EXTL3: variants seen among roughly 807,000 people sequenced by gnomAD.
The protein encoded by EXTL3 is exostosin like glycosyltransferase 3, also known as exostosin-like 3.
In EXTL3, 27 loss-of-function variants were observed where a neutral mutation model predicts 69.3. The observed-to-expected ratio is 0.39, with a 90% confidence interval of 0.29 to 0.54. The LOEUF (loss-of-function observed/expected upper bound fraction) is 0.54. Among genes scored for constraint, EXTL3 ranks in the 20% least tolerant of loss-of-function variants. The probability of loss-of-function intolerance (pLI) is 0.69; values close to 1 mark genes in which losing one functional copy is unlikely to be tolerated. For synonymous variants in EXTL3, 511 were observed against 499.4 expected, an observed-to-expected ratio of 1.02 and a Z score of -0.31; for missense variants, 1,003 against 1,231.8, an observed-to-expected ratio of 0.81 and a Z score of 2.78.
intron 1 of EXTL3, 137 bp from the exon 2 acceptor site, chr8:28,713,320 G>A (rs1801069816): frequency 1.8e-6 from 1 of 557,780 alleles, no homozygotes; most frequent in African/African-American, 1.9e-5. Context: ...AAATTATTTG[G>A]TGACCTCATG....
At chr8:28,741,424 T>A (rs557283042) in intron 5 of EXTL3, 43 of 152,318 alleles carry the variant, frequency 2.8e-4, no homozygotes, top group African/African-American at 1.0e-3. Context: ...TTACCTTTTT[T>A]AAAAAGTGTA....
intron 1 of EXTL3, among the ~76,000 whole-genome samples, chr8:28,692,121 GAT>G (rs1490209922): frequency 9.2e-5 from 14 of 152,190 alleles, no homozygotes; most frequent in African/African-American, 3.4e-4. Flanking sequence ...TCACTTTAAA[GAT>G]ATGCTTTTCT....
At chr8:28,756,022 A>G (rs1802116608), downstream of EXTL3, among the ~76,000 whole-genome samples, 1 of 152,184 alleles carries the variant, frequency 6.6e-6, no homozygotes, top group African/African-American at 2.4e-5. Context: ...GGCAACATCA[A>G]TGCATTTCCT....
At chr8:28,742,921 A>G in intron 5 of EXTL3, 165 bp from the exon 6 acceptor site, 1 of 739,526 alleles carries the variant, frequency 1.4e-6, no homozygotes, top group Admixed American at 1.8e-5. Context: ...CAGAAGATCC[A>G]CACGACAGGA....
intron 4 of EXTL3, 49 bp from the exon 5 acceptor site, chr8:28,737,470 A>C: frequency 6.2e-7 from 1 of 1,609,640 alleles, no homozygotes; most frequent in Non-Finnish European, 8.5e-7. Flanking sequence ...ACTTCTGATG[A>C]CCCTAGAGCT....
rs192265755 is a variant in EXTL3 at position 28,657,246 on chromosome 8, T to C, written c.-53+34436T>C. On this transcript the variant is annotated intron_variant, in intron 1 of 6. Transcript: ENST00000523149. ...ACATGAGCCACTGTGCCCAGTCTCA[T>C]TATGGACTTTAGCAAGTATAAGGAA... Among the ~76,000 whole-genome samples, 85 of 152,306 alleles carry C rather than the reference T, an allele frequency of 5.6e-4. 1 individual carries two copies. Among genetic ancestry groups the C allele is most frequent in the African/African-American group, 2.0e-3 (84 of 41,564 alleles).
intron 3 of EXTL3, among the ~76,000 whole-genome samples, chr8:28,719,264 T>G (rs1231335189): frequency 1.3e-5 from 2 of 152,250 alleles, no homozygotes; most frequent in Non-Finnish European, 2.9e-5. Flanking sequence ...TCTTTGATAA[T>G]TAGCTTTTTT....
chr8:28,624,492 G>A (rs947285062), intron 1 of EXTL3, among the ~76,000 whole-genome samples: 1 of 152,172 alleles, frequency 6.6e-6, no homozygotes, highest in Non-Finnish European at 1.5e-5. Flanking sequence ...GATCCTGGGA[G>A]GCAGAGGTTG....
chr8:28,671,893 C>T (rs1029771359), intron 1 of EXTL3, among the ~76,000 whole-genome samples: 12 of 152,122 alleles, frequency 7.9e-5, no homozygotes, highest in African/African-American at 1.2e-4. Context: ...TGTTAGAACT[C>T]ATTTGGGAGG....
At chr8:28,702,116 C>T (rs1319346557) in intron 1 of EXTL3, among the ~76,000 whole-genome samples, 2 of 152,224 alleles carry the variant, frequency 1.3e-5, no homozygotes, top group Admixed American at 6.5e-5. Flanking sequence ...GGAGGCGCAG[C>T]TCCGGACTAC....
chr8:28,661,476 A>G (rs574420224), intron 1 of EXTL3, among the ~76,000 whole-genome samples: 44 of 152,208 alleles, frequency 2.9e-4, no homozygotes, highest in South Asian at 2.7e-3. Flanking sequence ...CTAAATACAC[A>G]TACCTAAATA....
chr8:28,705,622 A>C (rs1005575653), intron 1 of EXTL3, among the ~76,000 whole-genome samples: 3 of 152,186 alleles, frequency 2.0e-5, no homozygotes, highest in East Asian at 3.9e-4. Flanking sequence ...CACTTTCTCT[A>C]TCTCATTCAG....
chr8:28,729,723 G>A (rs1428919808), intron 3 of EXTL3, among the ~76,000 whole-genome samples: 1 of 151,774 alleles, frequency 6.6e-6, no homozygotes, highest in Non-Finnish European at 1.5e-5. Context: ...AGTTAGGACC[G>A]GGCGTGGTGG....
upstream of EXTL3, chr8:28,698,289 G>A (rs951769194): frequency 2.0e-5 from 3 of 152,260 alleles, no homozygotes; most frequent in African/African-American, 7.2e-5. Flanking sequence ...GGAGTGCAAA[G>A]TGGGAAGGGG....
intron 1 of EXTL3, among the ~76,000 whole-genome samples, chr8:28,655,419 CT>C (rs2130610939): frequency 6.6e-6 from 1 of 152,056 alleles, no homozygotes; most frequent in South Asian, 2.1e-4. Context: ...CCGGAACGAT[CT>C]GATTCTGAAA....
At chr8:28,694,940 A>G (rs538156529) in intron 1 of EXTL3, among the ~76,000 whole-genome samples, 1 of 152,114 alleles carries the variant, frequency 6.6e-6, no homozygotes, top group Admixed American at 6.5e-5. Context: ...TGAACCCAGG[A>G]GGCAGAGGTT....
intron 5 of EXTL3, 61 bp downstream of exon 5, chr8:28,737,724 C>T (rs954155158): frequency 1.9e-5 from 30 of 1,556,388 alleles, no homozygotes; most frequent in South Asian, 8.9e-5. Context: ...TGTGTGGTAG[C>T]GGAATGCTGC....
At chr8:28,687,008 G>A (rs189618893) in intron 1 of EXTL3, among the ~76,000 whole-genome samples, 9 of 152,314 alleles carry the variant, frequency 5.9e-5, no homozygotes, top group African/African-American at 2.2e-4. Flanking sequence ...GATGGAGCAG[G>A]ACTCGGGGAA....
At chr8:28,657,882 C>T (rs1259874005) in intron 1 of EXTL3, among the ~76,000 whole-genome samples, 1 of 152,230 alleles carries the variant, frequency 6.6e-6, no homozygotes, top group African/African-American at 2.4e-5. Flanking sequence ...CTGGGCTTCA[C>T]TCCTCCCTTA....
Sources: gnomAD v4.1 joint callset for allele counts (sites outside exome capture counted in the v4.1 genomes callset) on GRCh38, gnomAD v4.1.1 for gene constraint, MANE v1.5 for transcripts, NCBI Gene and HGNC (gene_info 2026-07-23, HGNC 2026-07-21) for gene names.